FARP1: variants seen among roughly 807,000 people sequenced by gnomAD.
FARP1 encodes the protein FERM, ARH/RhoGEF and pleckstrin domain protein 1.
A neutral mutation model predicts 128.8 loss-of-function variants in FARP1; 52 were observed. The ratio of observed to expected loss-of-function variants is 0.40; its 90% CI spans 0.32 to 0.51. FARP1 has a LOEUF of 0.51. Ranked by LOEUF, FARP1 falls within the 20% of genes least tolerant of loss-of-function variation. The pLI is 0.45. For missense variants in FARP1, 1,333 were observed against 1,367.9 expected, an observed-to-expected ratio of 0.97 and a Z score of 0.40; for synonymous variants, 580 against 551.8, an observed-to-expected ratio of 1.05 and a Z score of -0.72.
chr13:98,422,195 G>C (rs546891986), intron 16 of FARP1, among the ~76,000 whole-genome samples: 19 of 152,336 alleles, frequency 1.2e-4, no homozygotes, highest in African/African-American at 4.3e-4. Context: ...GGAGTCTGGA[G>C]AGGAAAGCTT....
intron 1 of FARP1, among the ~76,000 whole-genome samples, chr13:98,191,081 C>T (rs1432794211): frequency 8.5e-5 from 13 of 152,200 alleles, no homozygotes; most frequent in East Asian, 1.9e-4. Flanking sequence ...CTTTCCTCTC[C>T]GGCCCGACAC....
At chr13:98,253,481 G>C (rs1883442809) in intron 2 of FARP1, among the ~76,000 whole-genome samples, 1 of 152,118 alleles carries the variant, frequency 6.6e-6, no homozygotes, top group African/African-American at 2.4e-5. Flanking sequence ...ACAAAAACTG[G>C]ATTTGGACCC....
intron 2 of FARP1, among the ~76,000 whole-genome samples, chr13:98,298,269 G>A (rs1347853151): frequency 6.6e-6 from 1 of 152,226 alleles, no homozygotes; most frequent in Non-Finnish European, 1.5e-5. Flanking sequence ...AAGACACCAT[G>A]GCTTGTGTTT....
chr13:98,356,347 G>A (rs1293294970), intron 3 of FARP1, among the ~76,000 whole-genome samples: 1 of 152,100 alleles, frequency 6.6e-6, no homozygotes, highest in Non-Finnish European at 1.5e-5. Context: ...TTACTGAACT[G>A]AATACAATAG....
At chr13:98,277,015 A>T (rs1884685388) in intron 2 of FARP1, among the ~76,000 whole-genome samples, 1 of 152,054 alleles carries the variant, frequency 6.6e-6, no homozygotes, top group Non-Finnish European at 1.5e-5. Context: ...CAACATTTCA[A>T]ACACAAGTAT....
At chr13:98,177,305 T>A in intron 1 of FARP1, 2 of 1,285,582 alleles carry the variant, frequency 1.6e-6, no homozygotes, top group Admixed American at 5.2e-5. Flanking sequence ...TCGCTGCACG[T>A]GGGGCGTGGG....
Position 98,143,306 on chromosome 13 carries a change from C to A in FARP1, c.-210C>A. ...GCCTGCTCCGCCCTCCCCTCCGCCC[C>A]GCGCCACCTTTGATGGCTCGGACCT... On this transcript the variant is annotated 5_prime_UTR_variant, in exon 1 of 27. Transcript: ENST00000319562. The A allele has an allele frequency of 6.7e-6, 1 of 149,870 alleles. No individual in the cohort carries two copies. Among genetic ancestry groups the A allele is most frequent in the South Asian group, 1.9e-4 (1 of 5,252 alleles). 9.3% of individuals were successfully genotyped at this position (149,870 alleles called of 1,614,324 possible). A position where few individuals can be genotyped will look rare whatever the true frequency, so the allele number is the denominator to read the frequency against.
intron 2 of FARP1, among the ~76,000 whole-genome samples, chr13:98,274,120 G>A (rs1234891647): frequency 1.3e-5 from 2 of 152,180 alleles, no homozygotes; most frequent in African/African-American, 4.8e-5. Flanking sequence ...ATCTAGGATT[G>A]CTTTTCTCGT....
intron 3 of FARP1, among the ~76,000 whole-genome samples, 161 bp from the exon 4 acceptor site, chr13:98,365,234 T>C (rs1361368479): frequency 6.6e-6 from 1 of 152,212 alleles, no homozygotes; most frequent in African/African-American, 2.4e-5. Flanking sequence ...TTTATAAAAG[T>C]GGTAGACAAC....
chr13:98,362,905 A>G lies in FARP1; in HGVS notation c.277-2490A>G, dbSNP rs575013118. Among the ~76,000 whole-genome samples, 14 of 152,310 alleles carry G rather than the reference A, an allele frequency of 9.2e-5. No homozygotes were observed. The South Asian group carries it at 2.3e-3, about 25-fold the overall frequency. On this transcript the variant is annotated intron_variant, in intron 3 of 26. Coordinates refer to ENST00000319562, the MANE Select transcript of FARP1 (RefSeq NM_005766.4). ...TCCTTCCCTGGGCATCGTATCCATC[A>G]GTGCATTCCACTGGTTGTTACGTCT...
rs192121297 is a variant in FARP1, at chr13:98,296,651, T to G, written c.172-47111T>G. On this transcript the variant is annotated intron_variant, in intron 2 of 26. Transcript: ENST00000319562. ...GAGCCACATTAGAGTACTTGTAAAC[T>G]GTAAAGGATTTTACAAATATAAAGT... is the stretch of plus-strand genomic sequence containing the variant. 4.6e-5 allele frequency among the ~76,000 whole-genome samples: 7 copies of G among 151,920 alleles called. No homozygotes were observed. The East Asian group carries it at 1.4e-3, about 29-fold the overall frequency.
chr13:98,156,857 C>T (rs1408943140), intron 1 of FARP1, among the ~76,000 whole-genome samples: 1 of 152,206 alleles, frequency 6.6e-6, no homozygotes, highest in Non-Finnish European at 1.5e-5. Flanking sequence ...CTGCACCTGG[C>T]CTAGAATGTA....
chr13:98,231,744 G>A (rs1411518924), intron 2 of FARP1, among the ~76,000 whole-genome samples: 1 of 152,162 alleles, frequency 6.6e-6, no homozygotes, highest in Non-Finnish European at 1.5e-5. Flanking sequence ...CTGTTTTGGA[G>A]TTCAGATTTA....
chr13:98,449,319 A>G lies in FARP1; in HGVS notation c.*1002A>G, dbSNP rs1186523907. On this transcript the variant is annotated 3_prime_UTR_variant, in exon 27 of 27. Coordinates refer to ENST00000319562, the MANE Select transcript of FARP1 (RefSeq NM_005766.4). ...AGTAGTATATATCGTGCCTGTCTTCAAAAACATTTCCCTTTTTATACTCAT... is the reference window on the plus strand; with the variant it reads ...AGTAGTATATATCGTGCCTGTCTTCGAAAACATTTCCCTTTTTATACTCAT... 2.6e-5 allele frequency: 4 copies of G among 152,198 alleles called. No homozygotes were observed. The highest frequency in any genetic ancestry group is 9.7e-5 in the African/African-American group (4 of 41,432). 9.4% of individuals were successfully genotyped at this position (152,198 alleles called of 1,614,324 possible). A position where few individuals can be genotyped will look rare whatever the true frequency, so the allele number is the denominator to read the frequency against.
At chr13:98,215,674 C>A (rs1175278810) in intron 2 of FARP1, among the ~76,000 whole-genome samples, 1 of 152,150 alleles carries the variant, frequency 6.6e-6, no homozygotes, top group Admixed American at 6.5e-5. Context: ...TGGCACCTGG[C>A]ATATAGTAGC....
At chr13:98,358,020 A>G (rs1188923732) in intron 3 of FARP1, among the ~76,000 whole-genome samples, 6 of 151,364 alleles carry the variant, frequency 4.0e-5, no homozygotes, top group Admixed American at 2.0e-4. Context: ...GGGAATAGGT[A>G]GTATTCCTGG....
chr13:98,261,140 G>A (rs1883860249), intron 2 of FARP1, among the ~76,000 whole-genome samples: 2 of 152,214 alleles, frequency 1.3e-5, no homozygotes, highest in African/African-American at 4.8e-5. Context: ...GATGGGGCAC[G>A]CTGCTCATGC....
At chr13:98,177,247 C>T (rs1380590391) in intron 1 of FARP1, 14 of 1,539,436 alleles carry the variant, frequency 9.1e-6, no homozygotes, top group Admixed American at 2.0e-5. Context: ...GTTTGAGTCT[C>T]AGGCTCCCAA....
intron 2 of FARP1, among the ~76,000 whole-genome samples, chr13:98,330,489 A>C (rs376258656): frequency 4.6e-5 from 7 of 152,194 alleles, no homozygotes; most frequent in East Asian, 3.9e-4. Flanking sequence ...TCTACCGGGC[A>C]TGGTGGCTCA....
Sources: gnomAD v4.1 joint callset for allele counts (sites outside exome capture counted in the v4.1 genomes callset) on GRCh38, gnomAD v4.1.1 for gene constraint, MANE v1.5 for transcripts, NCBI Gene and HGNC (gene_info 2026-07-23, HGNC 2026-07-21) for gene names.